Variants in KNTC1 observed in about 807,000 individuals in gnomAD.
The protein encoded by KNTC1 is kinetochore-associated protein 1.
KNTC1 carries 253 observed loss-of-function variants against 314.4 expected under a neutral mutation model. The observed-to-expected ratio is 0.80, with a 90% CI of 0.73 to 0.89. KNTC1 has a LOEUF of 0.89. KNTC1 is among the 40% of genes least tolerant of loss of function. The probability of loss-of-function intolerance (pLI) is 0.00; values close to 1 mark genes in which losing one functional copy is unlikely to be tolerated. For synonymous variants in KNTC1, 901 were observed against 901.4 expected, an observed-to-expected ratio of 1.00 and a Z score of 0.01; for missense variants, 2,475 against 2,572.9, an observed-to-expected ratio of 0.96 and a Z score of 0.82.
chr12:122,544,887 G>A (rs935612134), intron 8 of KNTC1, among the ~76,000 whole-genome samples: 1 of 152,198 alleles, frequency 6.6e-6, no homozygotes, highest in Admixed American at 6.5e-5. Context: ...TGGTCCTAAA[G>A]AGTAAAGTGT....
chr12:122,577,424 G>T (rs1356167357), intron 30 of KNTC1, among the ~76,000 whole-genome samples: 1 of 152,132 alleles, frequency 6.6e-6, no homozygotes, highest in Non-Finnish European at 1.5e-5. Context: ...CTTAAAATGT[G>T]CATGACAGGT....
At position 122,572,993 on chromosome 12, in the gene KNTC1, G is replaced by C; in HGVS notation, c.2076G>C (p.Leu692Phe). The C allele has an allele frequency of 6.2e-7, 1 of 1,608,560 alleles. No individual in the cohort carries two copies. Among genetic ancestry groups the C allele is most frequent in the South Asian group, 1.1e-5 (1 of 90,182 alleles). The change falls in exon 25 of 64, where the codon TTG (leucine) becomes TTC (phenylalanine). Residue 692 changes from leucine (L) to phenylalanine (F), a missense_variant. By Grantham distance (22) the Leu-to-Phe change is conservative. Coordinates refer to ENST00000333479, the MANE Select transcript of KNTC1 (RefSeq NM_014708.6). ...VCQLRTLVNN[L>F]RELITLHRKY... The stretch of plus-strand genomic sequence containing the variant: ...AGCTAAGGACTTTGGTAAATAACTT[G>C]CGAGAGTTGATCACGTTGCATAGGA...
Position 122,602,833 on chromosome 12 carries a change from A to G in KNTC1, c.4830A>G (p.Thr1610=), listed in dbSNP as rs777541563. 11 of 1,613,054 alleles carry G rather than the reference A, an allele frequency of 6.8e-6. No individual in the cohort carries two copies. Among genetic ancestry groups the G allele is most frequent in the Non-Finnish European group, 9.3e-6 (11 of 1,179,206 alleles). Reference sequence around the variant, plus strand: ...CTTTCCTTGTTTCCTTTCTAGCTACAGAACTCAGTGAAGAATCTTTCCCAA... The same window carrying G: ...CTTTCCTTGTTTCCTTTCTAGCTACGGAACTCAGTGAAGAATCTTTCCCAA... ...TAQNFWKILS[T]ELSEESFPTL... Residue 1610 remains threonine (T), a synonymous_variant, in exon 47 of 64, where the codon ACA becomes ACG. Transcript: ENST00000333479.
intron 7 of KNTC1, 37 bp downstream of exon 7, chr12:122,543,671 T>C (rs1303668290): frequency 4.7e-6 from 6 of 1,271,264 alleles, no homozygotes; most frequent in Middle Eastern, 2.1e-4. Context: ...CTTAAAAAAA[T>C]TACATTTAAT....
intron 40 of KNTC1, 135 bp from the exon 41 acceptor site, chr12:122,590,472 T>A (rs1870027505): frequency 2.5e-6 from 2 of 808,220 alleles, no homozygotes. Flanking sequence ...AATTCTGTTT[T>A]TTTTTCTTTA....
intron 14 of KNTC1, 26 bp downstream of exon 14, chr12:122,551,388 TA>T: frequency 6.3e-7 from 1 of 1,585,700 alleles, no homozygotes; most frequent in East Asian, 2.2e-5. Context: ...CCGTGTTAAG[TA>T]ATAGCTATGT....
chr12:122,592,242 G>T (rs1870340959), intron 42 of KNTC1, among the ~76,000 whole-genome samples: 1 of 152,202 alleles, frequency 6.6e-6, no homozygotes, highest in Non-Finnish European at 1.5e-5. Context: ...TTTCTCGCCG[G>T]GCCTTAGCTG....
At chr12:122,543,465 C>T (rs1486418696) in intron 6 of KNTC1, 135 bp from the exon 7 acceptor site, 5 of 643,708 alleles carry the variant, frequency 7.8e-6, no homozygotes, top group Non-Finnish European at 1.1e-5. Context: ...GTATTTTGGT[C>T]AGGGGCAAAA....
At position 122,603,256 on chromosome 12, in the gene KNTC1, C is replaced by G. The variant is rs1457509877; in HGVS notation, c.5101+13C>G. 7.1e-7 allele frequency: 1 copy of G among 1,413,690 alleles called. No homozygotes were observed. The highest frequency in any genetic ancestry group is 9.6e-7 in the Non-Finnish European group (1 of 1,041,772). 87.6% of individuals were successfully genotyped at this position (1,413,690 alleles called of 1,614,324 possible). A position where few individuals can be genotyped will look rare whatever the true frequency, so the allele number is the denominator to read the frequency against. Reference sequence around the variant, plus strand: ...GATATCCCTGAAGGTATGAGCTCTTCTTTTAAAATTGTAGTTAAAAAAAAA... The same window carrying G: ...GATATCCCTGAAGGTATGAGCTCTTGTTTTAAAATTGTAGTTAAAAAAAAA... On this transcript the variant is annotated intron_variant, in intron 48 of 63. Coordinates refer to ENST00000333479, the MANE Select transcript of KNTC1 (RefSeq NM_014708.6).
intron 33 of KNTC1, among the ~76,000 whole-genome samples, chr12:122,582,127 C>G (rs1171200457): frequency 6.6e-6 from 1 of 152,082 alleles, no homozygotes; most frequent in African/African-American, 2.4e-5. Context: ...CTGTGAAAAC[C>G]ATCTGGAGGC....
At chr12:122,571,764 G>A (rs1335574351) in intron 24 of KNTC1, among the ~76,000 whole-genome samples, 1 of 151,892 alleles carries the variant, frequency 6.6e-6, no homozygotes, top group Admixed American at 6.6e-5. Context: ...CCCCCTCCCA[G>A]GTTCAAGCAA....
intron 7 of KNTC1, 64 bp downstream of exon 7, chr12:122,543,698 G>C: frequency 1.0e-6 from 1 of 976,058 alleles, no homozygotes; most frequent in Non-Finnish European, 1.5e-6. Context: ...GTAGTAGAAT[G>C]TTTCTGTATA....
chr12:122,531,287 A>G (rs1961295864), intron 2 of KNTC1, among the ~76,000 whole-genome samples: 1 of 151,764 alleles, frequency 6.6e-6, no homozygotes, highest in African/African-American at 2.4e-5. Context: ...GCTCACTGCA[A>G]CCTCTGCCTC....
intron 9 of KNTC1, 51 bp downstream of exon 9, chr12:122,546,320 T>G: frequency 8.7e-7 from 1 of 1,143,012 alleles, no homozygotes; most frequent in Non-Finnish European, 1.3e-6. Context: ...GAGTTTTAAT[T>G]TTTATGTCAG....
chr12:122,594,254 G>A (rs780763526), intron 42 of KNTC1, 22 bp from the exon 43 acceptor site: 1 of 1,413,168 alleles, frequency 7.1e-7, no homozygotes, highest in Non-Finnish European at 1.0e-6. Flanking sequence ...TTTTTGCTTT[G>A]TTTTTTTCTT....
intron 3 of KNTC1, among the ~76,000 whole-genome samples, chr12:122,535,479 A>G (rs1413286961): frequency 6.6e-6 from 1 of 152,174 alleles, no homozygotes; most frequent in African/African-American, 2.4e-5. Context: ...CGTTTTCTCT[A>G]CTAATATACA....
Position 122,582,692 on chromosome 12 carries a change from A to C in KNTC1, c.2983-13A>C. The C allele has an allele frequency of 6.4e-7, 1 of 1,572,994 alleles. No individual in the cohort carries two copies. The highest frequency in any genetic ancestry group is 1.4e-5 in the African/African-American group (1 of 73,568). On this transcript the variant is annotated splice_polypyrimidine_tract_variant and intron_variant, in intron 33 of 63. Transcript: ENST00000333479. Reference sequence around the variant, plus strand: ...ACAGACTTGGGACTTTGTCTTGCTTACCTTTGCTACAGGAGAACTTTGAGG... The same window carrying C: ...ACAGACTTGGGACTTTGTCTTGCTTCCCTTTGCTACAGGAGAACTTTGAGG...
chr12:122,553,951 A>T (rs1434423385), intron 16 of KNTC1, among the ~76,000 whole-genome samples: 1 of 151,802 alleles, frequency 6.6e-6, no homozygotes, highest in Non-Finnish European at 1.5e-5. Context: ...GGAAGTAATA[A>T]GAGAGAAAGC....
At position 122,551,493 on chromosome 12, in the gene KNTC1, G is replaced by C. The variant is rs1377058661; in HGVS notation, c.1166G>C (p.Arg389Thr). ...GACTCAGTCTCTGTGTTAGTACTCAGATGTCTTACGGAAGCTTTACCAGAA... is the reference window on the plus strand; with the variant it reads ...GACTCAGTCTCTGTGTTAGTACTCACATGTCTTACGGAAGCTTTACCAGAA... ...SEDSVSVLVL[R>T]CLTEALPENR... The change falls in exon 15 of 64, where the codon AGA (arginine) becomes ACA (threonine). Residue 389 changes from arginine to threonine, a missense_variant. Coordinates refer to ENST00000333479, the MANE Select transcript of KNTC1 (RefSeq NM_014708.6). 1 of 1,597,818 alleles carries C rather than the reference G, an allele frequency of 6.3e-7. No individual in the cohort carries two copies. Among genetic ancestry groups the C allele is most frequent in the Non-Finnish European group, 8.5e-7 (1 of 1,171,002 alleles).
Sources: allele counts gnomAD v4.1 joint callset (sites outside exome capture counted in the v4.1 genomes callset), GRCh38; gene constraint gnomAD v4.1.1; transcripts MANE v1.5; gene names NCBI Gene and HGNC (gene_info 2026-07-23, HGNC 2026-07-21).